The following RFC5 variants were observed in gnomAD, a reference collection of about 807,000 sequenced individuals.
The protein encoded by RFC5 is A1 36 kDa subunit.
In RFC5, 26 loss-of-function variants were observed where a neutral mutation model predicts 44.3. The ratio of observed to expected loss-of-function variants is 0.59; its 90% CI spans 0.43 to 0.81. RFC5 has a LOEUF of 0.81. RFC5 is among the 40% of genes least tolerant of loss of function. RFC5 has a pLI of 0.00. For synonymous variants in RFC5, 155 were observed against 155.2 expected (o/e 1.00, Z 0.01); for missense variants, 328 against 418.6 (o/e 0.78, Z 1.89).
At chr12:118,029,131 G>T (rs1444868621) in intron 9 of RFC5, among the ~76,000 whole-genome samples, 2 of 152,236 alleles carry the variant, frequency 1.3e-5, no homozygotes, top group African/African-American at 4.8e-5. Flanking sequence ...GTTTTTAAAT[G>T]GGGACAGGAT....
chr12:118,027,042 G>A, intron 8 of RFC5, 24 bp downstream of exon 8: 10 of 1,602,254 alleles, frequency 6.2e-6, no homozygotes, highest in South Asian at 1.1e-5. Context: ...TGACCTCCTG[G>A]CCACCGAGAC....
At chr12:118,038,119 T>G, downstream of RFC5, 1 of 521,096 alleles carries the variant, frequency 1.9e-6, no homozygotes, top group Non-Finnish European at 3.3e-6. Flanking sequence ...TTTGGGTTCG[T>G]GTTAAAGTGC....
In RFC5 at chr12:118,020,953, C is replaced by T. The variant is rs34660755; in HGVS notation, c.315C>T (p.Ile105=). Residue 105 remains isoleucine (I), a synonymous_variant, in exon 4 of 11, where the codon ATC becomes ATT. Coordinates refer to ENST00000454402, the MANE Select transcript of RFC5 (RefSeq NM_007370.7). ...GAATAGACATCATTCGAGGACCGATCCTGAGCTTTGCTAGCACAAGGACAA... is the reference window on the plus strand; with the variant it reads ...GAATAGACATCATTCGAGGACCGATTCTGAGCTTTGCTAGCACAAGGACAA... The part of the protein sequence containing the change: ...DRGIDIIRGP[I]LSFASTRTIF... 6,736 of 1,611,238 alleles carry T rather than the reference C, an allele frequency of 4.2e-3. 19 individuals carry two copies. The highest frequency in any genetic ancestry group is 5.1e-3 in the Non-Finnish European group (5,977 of 1,177,744).
intron 1 of RFC5, among the ~76,000 whole-genome samples, chr12:118,017,437 T>C (rs1032541395): frequency 6.6e-6 from 1 of 152,174 alleles, no homozygotes; most frequent in Non-Finnish European, 1.5e-5. Flanking sequence ...TTCCCTATGG[T>C]CCAAGGGAGA....
chr12:118,029,948 G>T (rs2031208136), intron 10 of RFC5, 123 bp downstream of exon 10: 2 of 751,838 alleles, frequency 2.7e-6, no homozygotes, highest in Non-Finnish European at 4.7e-6. Context: ...GTACAATCTA[G>T]TCTGGTGATA....
chr12:118,035,291 A>T, downstream of RFC5: 1 of 1,614,214 alleles, frequency 6.2e-7, no homozygotes, highest in Non-Finnish European at 8.5e-7. Context: ...TGTGGACGTC[A>T]CTGTCATCCA....
the RFC5 span, among the ~76,000 whole-genome samples, chr12:118,039,734 TTTC>T: frequency 1.3e-4 from 20 of 152,066 alleles, no homozygotes; most frequent in Non-Finnish European, 2.9e-5. Flanking sequence ...AAAATTAATA[TTTC>T]TTTTTTATTT....
the RFC5 span, chr12:118,038,487 A>C: frequency 1.9e-6 from 2 of 1,080,304 alleles, no homozygotes; most frequent in Non-Finnish European, 2.7e-6. Context: ...AGCCCAGTAT[A>C]CCCATCAGCT....
rs2031287860 is a variant in RFC5, at chr12:118,031,076, A to G, written c.927-106A>G. On this transcript the variant is annotated intron_variant, in intron 10 of 10. Transcript: ENST00000454402. Reference sequence around the variant, plus strand: ...GGGCACATTTGTTCTATCAATTCCCATCCCCACTCCTTCAACAGATTTTCA... The same window carrying G: ...GGGCACATTTGTTCTATCAATTCCCGTCCCCACTCCTTCAACAGATTTTCA... The G allele has an allele frequency of 9.8e-6, 7 of 716,362 alleles. No homozygotes were observed. The South Asian group carries it at 1.1e-4, about 11-fold the overall frequency. 44.4% of individuals were successfully genotyped at this position (716,362 alleles called of 1,614,324 possible). A position where few individuals can be genotyped will look rare whatever the true frequency, so the allele number is the denominator to read the frequency against.
chr12:118,016,756 C>T lies in RFC5; in HGVS notation c.-72C>T, dbSNP rs2030103249. On this transcript the variant is annotated 5_prime_UTR_variant, in exon 1 of 11. Coordinates refer to ENST00000454402, the MANE Select transcript of RFC5 (RefSeq NM_007370.7). ...GTGCCAGGGTCTCAGGGTCAGGTCG[C>T]GGCTGGTCACTGTGCAGGCGCTTGG... 2.3e-6 allele frequency: 3 copies of T among 1,307,052 alleles called. No homozygotes were observed. The highest frequency in any genetic ancestry group is 3.2e-6 in the Non-Finnish European group (3 of 923,274). 81.0% of individuals were successfully genotyped at this position (1,307,052 alleles called of 1,614,324 possible). A position where few individuals can be genotyped will look rare whatever the true frequency, so the allele number is the denominator to read the frequency against.
downstream of RFC5, chr12:118,034,657 T>C (rs1304705759): frequency 4.1e-6 from 2 of 491,590 alleles, no homozygotes; most frequent in Admixed American, 3.7e-5. Flanking sequence ...GAGTGCCACC[T>C]ACTGAATTAT....
At chr12:118,037,394 CG>C (rs2137765136), downstream of RFC5, among the ~76,000 whole-genome samples, 1 of 152,080 alleles carries the variant, frequency 6.6e-6, no homozygotes, top group African/African-American at 2.4e-5. Flanking sequence ...AGGCCAGGCG[CG>C]GTGGCTCACG....
intron 10 of RFC5, 57 bp downstream of exon 10, chr12:118,029,882 GTTAT>G: frequency 3.1e-6 from 4 of 1,277,354 alleles, no homozygotes; most frequent in East Asian, 2.3e-5. Flanking sequence ...CCTGTTGTGA[GTTAT>G]TTGTTTCAAC....
At chr12:118,031,136 C>T (rs750196138) in intron 10 of RFC5, 46 bp from the exon 11 acceptor site, 14 of 1,350,304 alleles carry the variant, frequency 1.0e-5, no homozygotes, top group Admixed American at 1.8e-5. Flanking sequence ...GAAAAGGCAG[C>T]TGTGTTTGGT....
At chr12:118,041,204 G>T in the RFC5 span, among the ~76,000 whole-genome samples, 2 of 152,198 alleles carry the variant, frequency 1.3e-5, no homozygotes, top group African/African-American at 2.4e-5. Context: ...CAATGTGATG[G>T]TATTAGGAGG....
At chr12:118,038,746 T>C in the RFC5 span, among the ~76,000 whole-genome samples, 1 of 152,146 alleles carries the variant, frequency 6.6e-6, no homozygotes, top group Non-Finnish European at 1.5e-5. Flanking sequence ...AGTGGCGCGA[T>C]CTCAGCTCAC....
downstream of RFC5, chr12:118,034,857 A>G (rs1006977696): frequency 2.5e-5 from 20 of 799,742 alleles, no homozygotes; most frequent in Non-Finnish European, 3.5e-5. Context: ...TTTGAGTTTT[A>G]TATAATCTTG....
downstream of RFC5, chr12:118,034,603 C>T: frequency 1.9e-6 from 1 of 528,444 alleles, no homozygotes; most frequent in South Asian, 2.8e-5. Context: ...CGGCACAGCC[C>T]TTTCTAAATC....
In RFC5 at chr12:118,016,754, C is replaced by T; in HGVS notation, c.-74C>T. On this transcript the variant is annotated 5_prime_UTR_variant, in exon 1 of 11. Transcript: ENST00000454402. Reference sequence around the variant, plus strand: ...AAGTGCCAGGGTCTCAGGGTCAGGTCGCGGCTGGTCACTGTGCAGGCGCTT... The same window carrying T: ...AAGTGCCAGGGTCTCAGGGTCAGGTTGCGGCTGGTCACTGTGCAGGCGCTT... 3.1e-6 allele frequency: 4 copies of T among 1,273,006 alleles called. No individual in the cohort carries two copies. Among genetic ancestry groups the T allele is most frequent in the Non-Finnish European group, 4.5e-6 (4 of 892,760 alleles). 78.9% of individuals were successfully genotyped at this position (1,273,006 alleles called of 1,614,324 possible).
Sources: allele counts gnomAD v4.1 joint callset (sites outside exome capture counted in the v4.1 genomes callset), GRCh38; gene constraint gnomAD v4.1.1; transcripts MANE v1.5; gene names NCBI Gene and HGNC (gene_info 2026-07-23, HGNC 2026-07-21).